Variants in DPP6 observed in about 807,000 individuals in gnomAD.
The protein encoded by DPP6 is A-type potassium channel modulatory protein DPP6.
A neutral mutation model predicts 122.6 loss-of-function variants in DPP6; 69 were observed. That is an observed-to-expected ratio of 0.56 (90% CI 0.46 to 0.69). The LOEUF is 0.69. Ranked by LOEUF, DPP6 falls within the 30% of genes least tolerant of loss-of-function variation. DPP6 has a pLI of 0.00. For synonymous variants in DPP6, 418 were observed against 433.1 expected, an observed-to-expected ratio of 0.97 and a Z score of 0.43; for missense variants, 928 against 1,116.9, an observed-to-expected ratio of 0.83 and a Z score of 2.41.
At chr7:154,726,312 A>T (rs1303919025) in intron 7 of DPP6, among the ~76,000 whole-genome samples, 1 of 152,196 alleles carries the variant, frequency 6.6e-6, no homozygotes, top group African/African-American at 2.4e-5. Flanking sequence ...TTCACCCCAC[A>T]ACAGACTTCT....
intron 1 of DPP6, chr7:154,305,249 T>C (rs966458400): frequency 7.9e-7 from 1 of 1,259,624 alleles, no homozygotes; most frequent in Non-Finnish European, 1.0e-6. Flanking sequence ...CTGTTGCTAA[T>C]TGGAGAAGCC....
intron 1 of DPP6, among the ~76,000 whole-genome samples, chr7:154,181,068 T>C: frequency 6.6e-6 from 1 of 152,190 alleles, no homozygotes; most frequent in East Asian, 1.9e-4. Context: ...AACTTGCGAC[T>C]TCTCTTAAGT....
chr7:154,382,846 C>T (rs758594266), intron 1 of DPP6, among the ~76,000 whole-genome samples: 1 of 152,202 alleles, frequency 6.6e-6, no homozygotes, highest in Non-Finnish European at 1.5e-5. Context: ...CTGCCTCAGC[C>T]TCCCAAGTAG....
chr7:153,941,159 A>G (rs1234194439), intron 1 of DPP6, among the ~76,000 whole-genome samples: 1 of 152,236 alleles, frequency 6.6e-6, no homozygotes, highest in East Asian at 1.9e-4. Flanking sequence ...GAGTTCGTGC[A>G]TAGCAGGCAT....
intron 1 of DPP6, among the ~76,000 whole-genome samples, chr7:153,914,433 A>G (rs1474443594): frequency 6.6e-6 from 1 of 152,184 alleles, no homozygotes; most frequent in Non-Finnish European, 1.5e-5. Flanking sequence ...CTGGAGCTGT[A>G]TGTTTATAAG....
intron 1 of DPP6, among the ~76,000 whole-genome samples, chr7:154,396,530 C>T (rs1046420432): frequency 6.6e-6 from 1 of 152,160 alleles, no homozygotes; most frequent in Non-Finnish European, 1.5e-5. Context: ...GGAATGCTAT[C>T]TCGTGCTCAT....
intron 4 of DPP6, 55 bp downstream of exon 4, chr7:154,540,681 A>G (rs1272373226): frequency 6.4e-6 from 7 of 1,097,078 alleles, no homozygotes; most frequent in South Asian, 6.1e-5. Context: ...CTGCAAGTCA[A>G]TAAAACAGAA....
At chr7:154,211,415 G>A (rs562784730) in intron 1 of DPP6, among the ~76,000 whole-genome samples, 32 of 152,278 alleles carry the variant, frequency 2.1e-4, no homozygotes, top group East Asian at 1.5e-3. Context: ...CACCCCTCAC[G>A]TCCATCTCCA....
At chr7:154,010,363 T>G (rs1486929171) in intron 1 of DPP6, among the ~76,000 whole-genome samples, 1 of 152,180 alleles carries the variant, frequency 6.6e-6, no homozygotes, top group African/African-American at 2.4e-5. Context: ...TGTTGCAAAA[T>G]CAAACAGTCC....
chr7:154,689,727 A>C (rs1042888331), intron 7 of DPP6, among the ~76,000 whole-genome samples: 1 of 152,240 alleles, frequency 6.6e-6, no homozygotes, highest in African/African-American at 2.4e-5. Flanking sequence ...TTACCAATTC[A>C]CTTCAACAAA....
intron 1 of DPP6, among the ~76,000 whole-genome samples, chr7:154,218,705 A>G (rs1157928694): frequency 6.6e-6 from 1 of 152,238 alleles, no homozygotes; most frequent in Non-Finnish European, 1.5e-5. Flanking sequence ...CATATAATTC[A>G]TGCTCAGAAA....
chr7:153,967,074 A>G (rs1350128281), intron 1 of DPP6, among the ~76,000 whole-genome samples: 3 of 147,516 alleles, frequency 2.0e-5, no homozygotes, highest in African/African-American at 8.1e-5. Flanking sequence ...CTCACAAACA[A>G]ACAAACAAAC....
Position 154,446,601 on chromosome 7 carries a change from A to G in DPP6, c.358+273A>G, listed in dbSNP as rs191477596. Reference sequence around the variant, plus strand: ...TTATTCATGCTTGATCAACTTAAAGACAGTGGCATAAATATAATGATTTTA... The same window carrying G: ...TTATTCATGCTTGATCAACTTAAAGGCAGTGGCATAAATATAATGATTTTA... On this transcript the variant is annotated intron_variant, in intron 2 of 25. Transcript: ENST00000377770. Among the ~76,000 whole-genome samples the G allele has an allele frequency of 3.4e-3, 521 of 152,350 alleles. 2 individuals carry two copies. The highest frequency in any genetic ancestry group is 5.7e-3 in the Non-Finnish European group (391 of 68,028).
At chr7:154,059,501 A>G (rs1801364972) in intron 1 of DPP6, 1 of 151,078 alleles carries the variant, frequency 6.6e-6, no homozygotes, top group Non-Finnish European at 1.5e-5. Flanking sequence ...GGTTATTTGC[A>G]ATCTACCGGA....
At chr7:154,223,774 A>AC (rs748650351) in intron 1 of DPP6, among the ~76,000 whole-genome samples, 4 of 148,942 alleles carry the variant, frequency 2.7e-5, no homozygotes, top group Non-Finnish European at 5.9e-5. Context: ...TCTTGGGGTG[A>AC]GGGTAGAGTG....
chr7:154,237,697 A>C (rs1211161950), intron 1 of DPP6, among the ~76,000 whole-genome samples: 1 of 152,194 alleles, frequency 6.6e-6, no homozygotes, highest in East Asian at 1.9e-4. Flanking sequence ...CTAAAATAGA[A>C]ATTAATGTAG....
At chr7:154,406,307 G>C in intron 1 of DPP6, among the ~76,000 whole-genome samples, 1 of 152,126 alleles carries the variant, frequency 6.6e-6, no homozygotes, top group East Asian at 1.9e-4. Flanking sequence ...TCTCAATTTA[G>C]TCATGGTTTG....
intron 21 of DPP6, chr7:154,883,659 C>G (rs1374807860): frequency 7.3e-6 from 1 of 136,398 alleles, no homozygotes; most frequent in Non-Finnish European, 1.6e-5. Flanking sequence ...TACCCATACA[C>G]ATGCTCACAC....
intron 1 of DPP6, among the ~76,000 whole-genome samples, chr7:154,425,604 ATGTGTGTGTGTGTGTGGGTGTGTGTGTGT>A (rs1817823306): frequency 7.8e-6 from 1 of 128,236 alleles, no homozygotes; most frequent in African/African-American, 3.6e-5. Context: ...GGGGAAAAAA[ATGTGTGTGTGTGTGTGGGTGTGTGTGTGT>A]GTGTGTGTGT....
Sources: allele counts gnomAD v4.1 joint callset (sites outside exome capture counted in the v4.1 genomes callset), GRCh38; gene constraint gnomAD v4.1.1; transcripts MANE v1.5; gene names NCBI Gene and HGNC (gene_info 2026-07-23, HGNC 2026-07-21).